Variants in FHIT observed in about 807,000 individuals in gnomAD.
The protein encoded by FHIT is fragile histidine triad diadenosine triphosphatase.
FHIT carries 19 observed loss-of-function variants against 17.9 expected under a neutral mutation model. The observed-to-expected ratio is 1.06, with a 90% confidence interval of 0.74 to 1.56. The LOEUF (loss-of-function observed/expected upper bound fraction) is 1.56, where lower values mean the gene tolerates loss of function less well. Among genes scored for constraint, FHIT ranks in the 40% most tolerant of loss-of-function variants. FHIT has a pLI of 0.00. For synonymous variants in FHIT, 81 were observed against 69.7 expected, an observed-to-expected ratio of 1.16 and a Z score of -0.81; for missense variants, 248 against 189.2, an observed-to-expected ratio of 1.31 and a Z score of -1.82.
At chr3:60,069,706 A>C (rs771021439) in intron 5 of FHIT, among the ~76,000 whole-genome samples, 6 of 152,172 alleles carry the variant, frequency 3.9e-5, no homozygotes, top group South Asian at 2.1e-4. Context: ...TCTGTGCCAT[A>C]AAGAGCATTC....
At chr3:61,155,431 C>A (rs2037508074) in intron 2 of FHIT, among the ~76,000 whole-genome samples, 1 of 152,114 alleles carries the variant, frequency 6.6e-6, no homozygotes, top group Non-Finnish European at 1.5e-5. Flanking sequence ...CCTCTCCATG[C>A]CTAGTCAACA....
intron 3 of FHIT, among the ~76,000 whole-genome samples, chr3:60,875,550 A>G (rs1704609009): frequency 2.0e-5 from 3 of 152,148 alleles, no homozygotes; most frequent in Admixed American, 6.6e-5. Context: ...CATTTTTCAC[A>G]TATCATGAAA....
At chr3:60,397,555 T>G (rs1428016606) in intron 5 of FHIT, among the ~76,000 whole-genome samples, 1 of 152,180 alleles carries the variant, frequency 6.6e-6, no homozygotes, top group Non-Finnish European at 1.5e-5. Flanking sequence ...GGATCAAGGA[T>G]AGCAGTAGCT....
chr3:60,305,979 A>G (rs1200737667), intron 5 of FHIT, among the ~76,000 whole-genome samples: 1 of 152,158 alleles, frequency 6.6e-6, no homozygotes, highest in Admixed American at 6.6e-5. Context: ...AAAGGTCACA[A>G]CAACTAATTT....
At chr3:60,186,571 A>G (rs918343697) in intron 5 of FHIT, among the ~76,000 whole-genome samples, 2 of 152,162 alleles carry the variant, frequency 1.3e-5, no homozygotes, top group Admixed American at 1.3e-4. Flanking sequence ...TCAAACCAAG[A>G]ATGTTACACA....
chr3:60,462,598 G>C (rs1434563693), intron 5 of FHIT, among the ~76,000 whole-genome samples: 1 of 152,160 alleles, frequency 6.6e-6, no homozygotes, highest in Non-Finnish European at 1.5e-5. Flanking sequence ...GAAGAGCATC[G>C]AGGTAGGAGC....
intron 5 of FHIT, among the ~76,000 whole-genome samples, chr3:60,279,440 T>C (rs1707322742): frequency 1.3e-5 from 2 of 152,074 alleles, no homozygotes; most frequent in South Asian, 2.1e-4. Flanking sequence ...AAATAATAAA[T>C]TGGGTCCAGA....
Position 60,140,878 on chromosome 3 carries a change from G to A in FHIT, c.104-126726C>T, listed in dbSNP as rs557765470. On this transcript the variant is annotated intron_variant, in intron 5 of 9. Coordinates refer to ENST00000492590, the MANE Select transcript of FHIT (RefSeq NM_002012.4). ...CAGGCGTGAGCCAATGCGCCCAGCC[G>A]GGAGAGACACAGACTCTTAACAACA... Among the ~76,000 whole-genome samples the A allele has an allele frequency of 4.6e-5, 7 of 152,100 alleles. No individual in the cohort carries two copies. The East Asian group carries it at 1.2e-3, about 25-fold the overall frequency.
rs1700058650 is a variant in FHIT at position 59,802,987 on chromosome 3, T to A, written c.349-50666A>T. On this transcript the variant is annotated intron_variant, in intron 8 of 9. Coordinates refer to ENST00000492590, the MANE Select transcript of FHIT (RefSeq NM_002012.4). ...TACCTATTCTACTTGACTGACTGCA[T>A]CCCCCTGAAGACACGTGTCAGGTGC... is the stretch of plus-strand genomic sequence containing the variant. 2.0e-5 allele frequency among the ~76,000 whole-genome samples: 3 copies of A among 152,080 alleles called. 1 individual carries two copies. The South Asian group carries it at 6.2e-4, about 32-fold the overall frequency.
intron 5 of FHIT, among the ~76,000 whole-genome samples, chr3:60,383,805 GTC>G (rs777695363): frequency 7.9e-5 from 12 of 152,094 alleles, no homozygotes; most frequent in Non-Finnish European, 1.6e-4. Flanking sequence ...TATTCATCCT[GTC>G]TCTCTAAACA....
chr3:59,842,923 C>A (rs1299663977), intron 8 of FHIT, among the ~76,000 whole-genome samples: 2 of 152,052 alleles, frequency 1.3e-5, no homozygotes, highest in Non-Finnish European at 2.9e-5. Context: ...AAGTCCAATT[C>A]ATCTATTTTT....
At chr3:60,730,499 C>A in intron 4 of FHIT, 2 of 193,610 alleles carry the variant, frequency 1.0e-5, no homozygotes, top group South Asian at 1.2e-4. Context: ...CCCAGGAAGC[C>A]ACCTTCGAAG....
intron 1 of FHIT, among the ~76,000 whole-genome samples, chr3:61,206,726 G>A (rs199497769): frequency 0.43 from 64,565 of 150,262 alleles, 14,303 homozygotes; most frequent in East Asian, 0.57. Flanking sequence ...GGGCTGAGAC[G>A]ATGGGGTTTT....
At position 60,014,762 on chromosome 3, in the gene FHIT, A is replaced by AT. The variant is rs561568072; in HGVS notation, c.104-611dup. ...TTTATGACAAGAGTTCCTCAGACTA[A>AT]TTTTTTTTTTAGAATCCAAAAGAAG... On this transcript the variant is annotated intron_variant, in intron 5 of 9. Transcript: ENST00000492590. 7.5e-4 allele frequency among the ~76,000 whole-genome samples: 112 copies of AT among 150,200 alleles called. 1 individual carries two copies. The highest frequency in any genetic ancestry group is 2.2e-3 in the African/African-American group (89 of 41,088).
intron 3 of FHIT, among the ~76,000 whole-genome samples, chr3:60,991,688 TATA>T (rs1387024920): frequency 6.6e-6 from 1 of 152,192 alleles, no homozygotes; most frequent in African/African-American, 2.4e-5. Context: ...ACGTGAAAAC[TATA>T]ATAATAACTC....
rs778314879 is a variant in FHIT, at chr3:59,914,463, G to A, written c.348+7883C>T. On this transcript the variant is annotated intron_variant, in intron 8 of 9. Coordinates refer to ENST00000492590, the MANE Select transcript of FHIT (RefSeq NM_002012.4). ...TCCTTCCTGCTGGCATGTGGCACAT[G>A]AATGAACCTTGCTCCAAGCTAAGAG... Among the ~76,000 whole-genome samples, 7 of 152,254 alleles carry A rather than the reference G, an allele frequency of 4.6e-5. No homozygotes were observed. The East Asian group carries it at 7.7e-4, about 17-fold the overall frequency.
chr3:60,012,318 G>A (rs1276967270), intron 6 of FHIT, among the ~76,000 whole-genome samples: 5 of 142,350 alleles, frequency 3.5e-5, no homozygotes, highest in African/African-American at 8.0e-5. Flanking sequence ...GTCCAGGCCA[G>A]AGTATGGTGG....
At chr3:60,148,881 T>A (rs1234677007) in intron 5 of FHIT, among the ~76,000 whole-genome samples, 1 of 152,192 alleles carries the variant, frequency 6.6e-6, no homozygotes, top group Non-Finnish European at 1.5e-5. Context: ...ACAAAGTAAG[T>A]GTAAACGTGA....
intron 9 of FHIT, chr3:59,749,800 A>AGAATGTTTC (rs1700787494): frequency 4.5e-6 from 1 of 222,556 alleles, no homozygotes. Context: ...TGGTTTCAAT[A>AGAATGTTTC]GAATGTTTCC....
Sources: allele counts gnomAD v4.1 joint callset (sites outside exome capture counted in the v4.1 genomes callset), GRCh38; gene constraint gnomAD v4.1.1; transcripts MANE v1.5; gene names NCBI Gene and HGNC (gene_info 2026-07-23, HGNC 2026-07-21).